Variants in TAFA5 observed in about 807,000 individuals in gnomAD.
The protein encoded by TAFA5 is chemokine-like protein TAFA-5.
Under a neutral mutation model 15.3 loss-of-function variants are expected in TAFA5, and 6 were observed. That is an observed-to-expected ratio of 0.39 (90% CI 0.21 to 0.77). The LOEUF (loss-of-function observed/expected upper bound fraction) is 0.77. Among genes scored for constraint, TAFA5 ranks in the 30% least tolerant of loss-of-function variants. The probability of loss-of-function intolerance (pLI) is 0.41; values close to 1 mark genes in which losing one functional copy is unlikely to be tolerated. For synonymous variants in TAFA5, 103 were observed against 80.7 expected (o/e 1.28, Z -1.48); for missense variants, 161 against 193.1 (o/e 0.83, Z 0.98).
At chr22:48,498,284 GC>G (rs1920936576) in intron 1 of TAFA5, among the ~76,000 whole-genome samples, 1 of 150,266 alleles carries the variant, frequency 6.7e-6, no homozygotes, top group Non-Finnish European at 1.5e-5. Flanking sequence ...CCACCTGGAG[GC>G]GGGGCTGAAG....
At chr22:48,685,807 C>A (rs935563749) in intron 2 of TAFA5, among the ~76,000 whole-genome samples, 4 of 152,172 alleles carry the variant, frequency 2.6e-5, no homozygotes, top group Non-Finnish European at 2.9e-5. Context: ...TGCATGTACA[C>A]CTGTTGCCGG....
intron 2 of TAFA5, among the ~76,000 whole-genome samples, chr22:48,670,303 C>T (rs987356122): frequency 3.3e-5 from 5 of 152,248 alleles, no homozygotes; most frequent in Admixed American, 2.0e-4. Context: ...CACGATTCCT[C>T]TGAAGAAGTC....
chr22:48,564,193 T>G (rs1012945278), intron 1 of TAFA5, among the ~76,000 whole-genome samples: 11 of 152,148 alleles, frequency 7.2e-5, no homozygotes, highest in Non-Finnish European at 1.6e-4. Flanking sequence ...CCAATGAGAA[T>G]GAGCAAAGGC....
intron 1 of TAFA5, among the ~76,000 whole-genome samples, chr22:48,608,698 G>A (rs1013951835): frequency 3.3e-5 from 5 of 152,184 alleles, no homozygotes; most frequent in Non-Finnish European, 7.3e-5. Flanking sequence ...CCAGATGTTG[G>A]TTGGGGGTGG....
intron 1 of TAFA5, among the ~76,000 whole-genome samples, chr22:48,599,781 A>G (rs916824338): frequency 3.9e-4 from 59 of 152,328 alleles, no homozygotes; most frequent in Non-Finnish European, 3.5e-4. Context: ...GAGGCAGATC[A>G]TTCTTCCATG....
At chr22:48,551,597 G>C (rs1271736225) in intron 1 of TAFA5, among the ~76,000 whole-genome samples, 3 of 152,184 alleles carry the variant, frequency 2.0e-5, no homozygotes, top group Admixed American at 6.5e-5. Context: ...ATATAGACCT[G>C]TTGGGGTCTG....
intron 2 of TAFA5, among the ~76,000 whole-genome samples, chr22:48,692,845 C>G (rs1008237478): frequency 1.3e-5 from 2 of 152,238 alleles, no homozygotes; most frequent in African/African-American, 2.4e-5. Flanking sequence ...ACCTCAGGCC[C>G]CGTTGGGCCC....
intron 3 of TAFA5, among the ~76,000 whole-genome samples, chr22:48,740,776 G>T (rs963668984): frequency 6.6e-6 from 1 of 152,156 alleles, no homozygotes; most frequent in Non-Finnish European, 1.5e-5. Flanking sequence ...GGCCTCGCAG[G>T]GTCTGCAGGC....
intron 1 of TAFA5, among the ~76,000 whole-genome samples, chr22:48,531,634 C>G (rs1386398462): frequency 6.6e-6 from 1 of 152,108 alleles, no homozygotes; most frequent in African/African-American, 2.4e-5. Flanking sequence ...CCCTCCCTTC[C>G]TCGCCTGCAG....
chr22:48,704,116 G>T (rs1194468132), intron 2 of TAFA5, among the ~76,000 whole-genome samples: 1 of 152,036 alleles, frequency 6.6e-6, no homozygotes, highest in East Asian at 1.9e-4. Flanking sequence ...CCCACGTGGG[G>T]ATTTCTTTTA....
intron 1 of TAFA5, among the ~76,000 whole-genome samples, chr22:48,634,120 G>GCTCACTCGCTCGCTCA (rs1555894536): frequency 6.6e-6 from 1 of 150,742 alleles, no homozygotes; most frequent in African/African-American, 2.4e-5. Context: ...TCACTCACTC[G>GCTCACTCGCTCGCTCA]CTCACTCACT....
intron 1 of TAFA5, among the ~76,000 whole-genome samples, chr22:48,589,262 G>A (rs1924473127): frequency 6.6e-6 from 1 of 152,234 alleles, no homozygotes. Context: ...GGGGTGACTG[G>A]CTGGGGGTTT....
At chr22:48,612,400 G>T (rs73173446) in intron 1 of TAFA5, among the ~76,000 whole-genome samples, 4,907 of 152,238 alleles carry the variant, frequency 0.032, 123 homozygotes, top group South Asian at 0.14. Context: ...TAAATGGCCC[G>T]TGTACCTCCC....
At chr22:48,509,385 G>A (rs36111128) in intron 1 of TAFA5, among the ~76,000 whole-genome samples, 5,238 of 152,222 alleles carry the variant, frequency 0.034, 135 homozygotes, top group Non-Finnish European at 0.055. Context: ...AGACATCTCC[G>A]TACTGTTGTC....
chr22:48,526,923 C>G (rs1921800674), intron 1 of TAFA5, among the ~76,000 whole-genome samples: 1 of 152,202 alleles, frequency 6.6e-6, no homozygotes, highest in Non-Finnish European at 1.5e-5. Context: ...GACTGCATTT[C>G]CTCTGAAAGG....
intron 2 of TAFA5, among the ~76,000 whole-genome samples, chr22:48,666,134 C>T (rs1021049189): frequency 5.9e-5 from 9 of 152,230 alleles, no homozygotes; most frequent in African/African-American, 2.2e-4. Context: ...CCACTGTGTG[C>T]CCTGGGTCCC....
chr22:48,709,130 C>A (rs1438468340), intron 3 of TAFA5, among the ~76,000 whole-genome samples: 1 of 152,188 alleles, frequency 6.6e-6, no homozygotes, highest in Admixed American at 6.5e-5. Flanking sequence ...GACTCAGCCT[C>A]GCTGGCAGCC....
chr22:48,623,187 G>A (rs144219623), intron 1 of TAFA5, among the ~76,000 whole-genome samples: 187 of 152,338 alleles, frequency 1.2e-3, no homozygotes, highest in Non-Finnish European at 2.0e-3. Flanking sequence ...GCATGGTTTC[G>A]CCAGCAGCCG....
chr22:48,693,435 G>T (rs1332583361), intron 2 of TAFA5: 4 of 1,608,258 alleles, frequency 2.5e-6, no homozygotes, highest in African/African-American at 1.3e-5. Context: ...CAGTAAAGGA[G>T]GGACTGCGAC....
Sources: gnomAD v4.1 joint callset for allele counts (sites outside exome capture counted in the v4.1 genomes callset) on GRCh38, gnomAD v4.1.1 for gene constraint, MANE v1.5 for transcripts, NCBI Gene and HGNC (gene_info 2026-07-23, HGNC 2026-07-21) for gene names.